Variants in FANK1 observed in about 807,000 individuals in gnomAD.
The protein encoded by FANK1 is fibronectin type 3 and ankyrin repeat domains protein 1.
In FANK1, 44 loss-of-function variants were observed where a neutral mutation model predicts 45.3. The ratio of observed to expected loss-of-function variants is 0.97; its 90% CI spans 0.76 to 1.25. The LOEUF (loss-of-function observed/expected upper bound fraction) is 1.25, where lower values mean the gene tolerates loss of function less well. Among genes scored for constraint, FANK1 ranks in the 50% most tolerant of loss-of-function variants. The probability of loss-of-function intolerance (pLI) is 0.00; values close to 1 mark genes in which losing one functional copy is unlikely to be tolerated. For missense variants in FANK1, 391 were observed against 424.4 expected, an observed-to-expected ratio of 0.92 and a Z score of 0.69; for synonymous variants, 149 against 152.5, an observed-to-expected ratio of 0.98 and a Z score of 0.17.
chr10:125,990,547 C>T (rs73370572), intron 3 of FANK1, among the ~76,000 whole-genome samples: 2,525 of 152,274 alleles, frequency 0.017, 73 homozygotes, highest in African/African-American at 0.055. Context: ...AGAGTCCACC[C>T]GAACCTTCCA....
intron 6 of FANK1, among the ~76,000 whole-genome samples, chr10:126,002,914 TC>T (rs2134228056): frequency 6.6e-6 from 1 of 152,156 alleles, no homozygotes. Context: ...CTAAGACACT[TC>T]AACTAATTCC....
chr10:125,950,627 A>C (rs1390186457), intron 1 of FANK1, among the ~76,000 whole-genome samples: 1 of 152,130 alleles, frequency 6.6e-6, no homozygotes, highest in East Asian at 1.9e-4. Context: ...AAATAGGAAC[A>C]CTTTTACACT....
At chr10:125,994,548 A>G (rs1009822830) in intron 3 of FANK1, 26 of 985,280 alleles carry the variant, frequency 2.6e-5, no homozygotes, top group Non-Finnish European at 3.1e-5. Flanking sequence ...CCCCAACAAC[A>G]GGTTGTGTGC....
intron 3 of FANK1, among the ~76,000 whole-genome samples, chr10:125,992,068 C>T (rs540445070): frequency 4.6e-5 from 7 of 151,162 alleles, no homozygotes; most frequent in African/African-American, 7.4e-5. Flanking sequence ...TAGAAAAACC[C>T]GCAGAGCAAT....
chr10:125,920,777 T>C (rs1946889106), intron 1 of FANK1, among the ~76,000 whole-genome samples: 1 of 152,166 alleles, frequency 6.6e-6, no homozygotes, highest in African/African-American at 2.4e-5. Flanking sequence ...AGAATTTGTT[T>C]TTTAAAAGGT....
At chr10:125,901,387 A>G (rs1450386770) in intron 1 of FANK1, among the ~76,000 whole-genome samples, 3 of 150,920 alleles carry the variant, frequency 2.0e-5, no homozygotes, top group Admixed American at 6.6e-5. Context: ...CGTGTAAGTT[A>G]TGATTGTGAT....
intron 7 of FANK1, among the ~76,000 whole-genome samples, chr10:126,005,353 G>A (rs909842510): frequency 2.8e-5 from 4 of 142,174 alleles, no homozygotes; most frequent in East Asian, 2.1e-4. Context: ...TGTCGCCCAC[G>A]CTGGAGTGCA....
intron 1 of FANK1, among the ~76,000 whole-genome samples, chr10:125,977,150 T>C (rs1387568469): frequency 6.6e-6 from 1 of 152,152 alleles, no homozygotes; most frequent in Non-Finnish European, 1.5e-5. Flanking sequence ...GGTGTGGCCA[T>C]TTGGAGGGCG....
chr10:125,958,353 C>A (rs1382308320), intron 1 of FANK1, among the ~76,000 whole-genome samples: 1 of 152,098 alleles, frequency 6.6e-6, no homozygotes, highest in East Asian at 1.9e-4. Flanking sequence ...TTAATTGATT[C>A]ATAGTTCTGC....
chr10:126,009,011 G>A, intron 8 of FANK1, 43 bp from the exon 9 acceptor site: 1 of 1,588,984 alleles, frequency 6.3e-7, no homozygotes, highest in South Asian at 1.1e-5. Flanking sequence ...GTGTGCCCTG[G>A]AGGGAGAAGC....
chr10:125,994,580 G>C, intron 3 of FANK1: 1 of 985,392 alleles, frequency 1.0e-6, no homozygotes, highest in Non-Finnish European at 1.2e-6. Context: ...GATGTGTCAG[G>C]TGCTATTCGA....
chr10:125,937,458 T>C (rs138621425), intron 1 of FANK1, among the ~76,000 whole-genome samples: 83 of 152,348 alleles, frequency 5.4e-4, no homozygotes, highest in African/African-American at 1.7e-3. Flanking sequence ...CAACTTGTTT[T>C]TGGTATTGAG....
At chr10:125,993,662 A>G (rs1952096718) in intron 3 of FANK1, among the ~76,000 whole-genome samples, 1 of 152,182 alleles carries the variant, frequency 6.6e-6, no homozygotes, top group Non-Finnish European at 1.5e-5. Context: ...ACCACTGAGC[A>G]TGGCATGAAC....
At chr10:125,952,952 T>C (rs1194753547) in intron 1 of FANK1, among the ~76,000 whole-genome samples, 1 of 151,994 alleles carries the variant, frequency 6.6e-6, no homozygotes. Flanking sequence ...GGGAGAAAGC[T>C]CAGTGTAGAA....
At position 126,008,541 on chromosome 10, in the gene FANK1, G is replaced by A. The variant is rs777836625; in HGVS notation, c.840G>A (p.Thr280=). The stretch of plus-strand genomic sequence containing the variant: ...ATGTGAAGGACAGAAATGGAAAGAC[G>A]CCCCTTATGGTAGGTCCTCCTCCCG... ...NVNVKDRNGK[T]PLMVAVLNNH... Residue 280 remains threonine, a synonymous_variant, in exon 8 of 11, where the codon ACG becomes ACA. Transcript: ENST00000368693. 1.2e-6 allele frequency: 2 copies of A among 1,609,348 alleles called. No homozygotes were observed. The highest frequency in any genetic ancestry group is 1.3e-5 in the African/African-American group (1 of 74,530).
chr10:125,993,440 G>A (rs1232664958), intron 3 of FANK1, among the ~76,000 whole-genome samples: 2 of 152,188 alleles, frequency 1.3e-5, no homozygotes, highest in African/African-American at 4.8e-5. Context: ...CTAGCCCAGG[G>A]TTCTCAACTT....
At chr10:125,988,072 T>C (rs73370554) in intron 2 of FANK1, among the ~76,000 whole-genome samples, 2,539 of 152,316 alleles carry the variant, frequency 0.017, 74 homozygotes, top group African/African-American at 0.055. Flanking sequence ...GGAAGTTGCT[T>C]ATGGACTACG....
At chr10:125,901,356 C>CCGTA (rs1434292019) in intron 1 of FANK1, among the ~76,000 whole-genome samples, 3 of 152,218 alleles carry the variant, frequency 2.0e-5, no homozygotes, top group African/African-American at 7.2e-5. Flanking sequence ...TCCTCTTCCT[C>CCGTA]CGTACTCCAA....
At chr10:125,958,160 G>A (rs544239391) in intron 1 of FANK1, among the ~76,000 whole-genome samples, 2 of 152,222 alleles carry the variant, frequency 1.3e-5, no homozygotes, top group East Asian at 1.9e-4. Context: ...CTATCTAGCT[G>A]TAATTTTGTA....
Sources: gnomAD v4.1 joint callset for allele counts (sites outside exome capture counted in the v4.1 genomes callset) on GRCh38, gnomAD v4.1.1 for gene constraint, MANE v1.5 for transcripts, NCBI Gene and HGNC (gene_info 2026-07-23, HGNC 2026-07-21) for gene names.